AHRR: variants seen among roughly 807,000 people sequenced by gnomAD.
AHRR encodes ahR repressor.
Under a neutral mutation model 44.0 loss-of-function variants are expected in AHRR, and 28 were observed. That is an observed-to-expected ratio of 0.64 (90% CI 0.47 to 0.87). The LOEUF is 0.87. Ranked by LOEUF, AHRR falls within the 40% of genes least tolerant of loss-of-function variation. The pLI, the probability that AHRR is intolerant of heterozygous loss-of-function variation, is 0.00. For missense variants in AHRR, 990 were observed against 953.9 expected (o/e 1.04, Z -0.50); for synonymous variants, 434 against 407.0 (o/e 1.07, Z -0.80).
Position 422,793 on chromosome 5 carries a change from G to T in AHRR, c.506G>T (p.Arg169Leu). ...GTGGACGACCGCCAGGACTTCTGCC[G>T]GCAGCTCCACTGGGCCATGGACCCT... ...IHVDDRQDFC[R>L]QLHWAMDPPQ... Residue 169 changes from arginine to leucine, a missense_variant, in exon 6 of 11, where the codon CGG (arginine) becomes CTG (leucine). By Grantham distance (102) the Arg-to-Leu change is moderately radical. Transcript: ENST00000684583. The T allele has an allele frequency of 6.2e-7, 1 of 1,614,082 alleles. No individual in the cohort carries two copies. Among genetic ancestry groups the T allele is most frequent in the Non-Finnish European group, 8.5e-7 (1 of 1,180,030 alleles).
chr5:402,685 A>G (rs1735069415), intron 4 of AHRR, among the ~76,000 whole-genome samples: 1 of 151,916 alleles, frequency 6.6e-6, no homozygotes, highest in African/African-American at 2.4e-5. Flanking sequence ...ATTTACCCAA[A>G]TTAAAAATGG....
chr5:401,264 C>T (rs1735003159), intron 4 of AHRR, among the ~76,000 whole-genome samples: 1 of 152,182 alleles, frequency 6.6e-6, no homozygotes, highest in African/African-American at 2.4e-5. Context: ...AGGGGCCAGC[C>T]TGAGGCACAG....
At chr5:407,158 A>T (rs1735295233) in intron 4 of AHRR, among the ~76,000 whole-genome samples, 1 of 152,164 alleles carries the variant, frequency 6.6e-6, no homozygotes, top group South Asian at 2.1e-4. Context: ...TGTAGCTATC[A>T]TTGCATATTT....
At chr5:401,506 C>T (rs944804028) in intron 4 of AHRR, among the ~76,000 whole-genome samples, 1 of 152,240 alleles carries the variant, frequency 6.6e-6, no homozygotes, top group African/African-American at 2.4e-5. Flanking sequence ...TTGCTGAGCA[C>T]AGGCAGGGAC....
At chr5:353,494 G>C (rs537405663) in intron 2 of AHRR, among the ~76,000 whole-genome samples, 1 of 152,266 alleles carries the variant, frequency 6.6e-6, no homozygotes, top group Non-Finnish European at 1.5e-5. Context: ...TCTCCGGCTG[G>C]TTTGCTTCTT....
At chr5:322,190 C>T (rs1279285893) in intron 1 of AHRR, among the ~76,000 whole-genome samples, 1 of 152,048 alleles carries the variant, frequency 6.6e-6, no homozygotes, top group Non-Finnish European at 1.5e-5. Flanking sequence ...GCGCCAGGTC[C>T]GGGGGGCCTC....
chr5:352,438 C>T (rs1195139110), intron 2 of AHRR, among the ~76,000 whole-genome samples: 1 of 145,280 alleles, frequency 6.9e-6, no homozygotes, highest in Non-Finnish European at 1.5e-5. Context: ...GGGATGGTCA[C>T]TGTGAGGTTA....
rs753996127 is a variant in AHRR at position 422,817 on chromosome 5, C to T, written c.530C>T (p.Pro177Leu). Residue 177 changes from proline (P) to leucine (L), a missense_variant, in exon 6 of 11, where the codon CCT (proline) becomes CTT (leucine). Coordinates refer to ENST00000684583, the MANE Select transcript of AHRR (RefSeq NM_001377236.1). Reference sequence around the variant, plus strand: ...CGGCAGCTCCACTGGGCCATGGACCCTCCCCAGGTGGTGTTTGGGCAGCCC... The same window carrying T: ...CGGCAGCTCCACTGGGCCATGGACCTTCCCCAGGTGGTGTTTGGGCAGCCC... ...FCRQLHWAMD[P>L]PQVVFGQPPP... 3 of 1,614,096 alleles carry T rather than the reference C, an allele frequency of 1.9e-6. No homozygotes were observed. The highest frequency in any genetic ancestry group is 1.7e-5 in the Admixed American group (1 of 60,014).
chr5:384,865 G>A (rs905914897), intron 4 of AHRR, among the ~76,000 whole-genome samples: 1 of 152,142 alleles, frequency 6.6e-6, no homozygotes, highest in Non-Finnish European at 1.5e-5. Flanking sequence ...CTCTCTTTAG[G>A]CCGGGCGCGG....
chr5:420,504 C>T (rs1736027039), intron 5 of AHRR, among the ~76,000 whole-genome samples: 1 of 152,206 alleles, frequency 6.6e-6, no homozygotes, highest in Non-Finnish European at 1.5e-5. Flanking sequence ...AAGCTGCTTC[C>T]CTGCAGGAGG....
chr5:324,766 G>A (rs1361969843), intron 1 of AHRR, among the ~76,000 whole-genome samples: 1 of 152,122 alleles, frequency 6.6e-6, no homozygotes, highest in Non-Finnish European at 1.5e-5. Flanking sequence ...TCCAGCCTGG[G>A]CAACAAGAGT....
intron 2 of AHRR, among the ~76,000 whole-genome samples, chr5:346,934 A>G (rs928892868): frequency 6.6e-6 from 1 of 152,168 alleles, no homozygotes. Context: ...GTTAGCTTGC[A>G]AGAGTTAAAA....
chr5:348,121 C>T (rs56686563), intron 2 of AHRR, among the ~76,000 whole-genome samples: 3,184 of 152,318 alleles, frequency 0.021, 104 homozygotes, highest in African/African-American at 0.073. Context: ...GGACAGCCCT[C>T]CCCTTGGCAG....
rs535870253 is a variant in AHRR, at chr5:342,068, T to G, written c.-10-1825T>G. Among the ~76,000 whole-genome samples the G allele has an allele frequency of 6.6e-5, 10 of 152,116 alleles. No homozygotes were observed. The East Asian group carries it at 1.9e-3, about 29-fold the overall frequency. On this transcript the variant is annotated intron_variant, in intron 1 of 10. Transcript: ENST00000684583. The surrounding 1 kb of genome is among the most constrained non-coding windows in gnomAD (Gnocchi z 4.3). ...GTCAAATAACATACTTTGATTTCTG[T>G]TTTTAAAAAAATTGTTAAGGATAGT... is the stretch of plus-strand genomic sequence containing the variant.
rs1186014086 is a variant in AHRR at position 405,632 on chromosome 5, G to A, written c.352-7712G>A. Among the ~76,000 whole-genome samples the A allele has an allele frequency of 6.6e-6, 1 of 152,186 alleles. No individual in the cohort carries two copies. Among genetic ancestry groups the A allele is most frequent in the Admixed American group, 6.5e-5 (1 of 15,276 alleles). On this transcript the variant is annotated intron_variant, in intron 4 of 10. Transcript: ENST00000684583. The surrounding 1 kb of genome is among the most constrained non-coding windows in gnomAD (Gnocchi z 4.5). ...AACCAAGTGGGCGGCACACCCTTCA[G>A]GTCGGTGGGAGTGAGGGCCTTCGGG...
chr5:392,273 G>A (rs1283562535), intron 4 of AHRR, among the ~76,000 whole-genome samples: 1 of 72,158 alleles, frequency 1.4e-5, no homozygotes, highest in Non-Finnish European at 2.5e-5. Flanking sequence ...AGCGTGCACG[G>A]GCGCAGGGCG....
In AHRR at chr5:405,660, G is replaced by A. The variant is rs1206195897; in HGVS notation, c.352-7684G>A. 6.6e-6 allele frequency among the ~76,000 whole-genome samples: 1 copy of A among 152,178 alleles called. No homozygotes were observed. Among genetic ancestry groups the A allele is most frequent in the African/African-American group, 2.4e-5 (1 of 41,450 alleles). On this transcript the variant is annotated intron_variant, in intron 4 of 10. Transcript: ENST00000684583. This position sits in a 1 kb window ranked among gnomAD's most constrained non-coding sequence, Gnocchi z 4.5. ...CGGTGGGAGTGAGGGCCTTCGGGTC[G>A]CCGGCACCTGACCCAGCAGCCTTGT...
At chr5:412,383 C>T (rs928082749) in intron 4 of AHRR, among the ~76,000 whole-genome samples, 1 of 152,168 alleles carries the variant, frequency 6.6e-6, no homozygotes, top group Non-Finnish European at 1.5e-5. Context: ...CAGGGTGAGG[C>T]GGACCAGGCC....
At chr5:336,415 A>G (rs1742125398) in intron 1 of AHRR, among the ~76,000 whole-genome samples, 1 of 152,216 alleles carries the variant, frequency 6.6e-6, no homozygotes, top group East Asian at 1.9e-4. Context: ...TGGTTCTTCT[A>G]AGTGGATGAG....
Sources: gnomAD v4.1 joint callset for allele counts (sites outside exome capture counted in the v4.1 genomes callset) on GRCh38, gnomAD v4.1.1 for gene constraint, Gnocchi (gnomAD v3.1) non-coding constraint, MANE v1.5 for transcripts, NCBI Gene and HGNC (gene_info 2026-07-23, HGNC 2026-07-21) for gene names.